Variants in IGSF21 observed in about 807,000 individuals in gnomAD.
IGSF21 encodes the protein immunoglobulin superfamily member 21.
A neutral mutation model predicts 46.8 loss-of-function variants in IGSF21; 28 were observed. The observed-to-expected ratio is 0.60, with a 90% CI of 0.44 to 0.82. The LOEUF (loss-of-function observed/expected upper bound fraction) is 0.82. Ranked by LOEUF, IGSF21 falls within the 40% of genes least tolerant of loss-of-function variation. The pLI is 0.00. For synonymous variants in IGSF21, 284 were observed against 273.6 expected, an observed-to-expected ratio of 1.04 and a Z score of -0.38; for missense variants, 624 against 665.5, an observed-to-expected ratio of 0.94 and a Z score of 0.69.
intron 3 of IGSF21, among the ~76,000 whole-genome samples, chr1:18,311,319 C>A (rs759019336): frequency 1.3e-5 from 2 of 152,162 alleles, no homozygotes; most frequent in Non-Finnish European, 2.9e-5. Flanking sequence ...CAAACCCCTC[C>A]CCATCCATAA....
chr1:18,233,986 A>C (rs928597307), intron 2 of IGSF21, among the ~76,000 whole-genome samples: 1 of 152,134 alleles, frequency 6.6e-6, no homozygotes, highest in African/African-American at 2.4e-5. Context: ...GATCCTAAGG[A>C]GACAGGAAAC....
chr1:18,354,847 C>T (rs1230673461), intron 4 of IGSF21, among the ~76,000 whole-genome samples: 2 of 79,914 alleles, frequency 2.5e-5, no homozygotes, highest in East Asian at 3.2e-4. Flanking sequence ...TTAAAGCTTT[C>T]CTGTTTGCTC....
At chr1:18,207,891 C>G (rs896302226) in intron 1 of IGSF21, among the ~76,000 whole-genome samples, 8 of 152,068 alleles carry the variant, frequency 5.3e-5, no homozygotes, top group South Asian at 2.1e-4. Flanking sequence ...AGTTTTCATA[C>G]CAGTAAATAG....
In IGSF21 at chr1:18,154,202, G is replaced by T. The variant is rs538196428; in HGVS notation, c.70+46004G>T. ...CTGGGCTGATGCGCTCATTTGCTTCGCTGGCCTGATACTGTCTGCATTTGC... is the reference window on the plus strand; with the variant it reads ...CTGGGCTGATGCGCTCATTTGCTTCTCTGGCCTGATACTGTCTGCATTTGC... On this transcript the variant is annotated intron_variant, in intron 1 of 9. Transcript: ENST00000251296. Among the ~76,000 whole-genome samples the T allele has an allele frequency of 6.6e-5, 10 of 152,186 alleles. No individual in the cohort carries two copies. In the South Asian group the frequency reaches 2.1e-3, roughly 32 times the overall value.
chr1:18,254,314 T>G (rs141807408), intron 2 of IGSF21, among the ~76,000 whole-genome samples: 1 of 152,250 alleles, frequency 6.6e-6, no homozygotes, highest in African/African-American at 2.4e-5. Context: ...TTTTGAGCCA[T>G]TCACTGGATC....
chr1:18,277,612 A>G (rs963955705), intron 2 of IGSF21, among the ~76,000 whole-genome samples: 4 of 152,226 alleles, frequency 2.6e-5, no homozygotes, highest in Non-Finnish European at 4.4e-5. Context: ...GCAGAGCCCA[A>G]CTGGAAACTG....
At chr1:18,316,417 G>A (rs763137351) in intron 3 of IGSF21, among the ~76,000 whole-genome samples, 4 of 152,182 alleles carry the variant, frequency 2.6e-5, no homozygotes, top group African/African-American at 7.2e-5. Context: ...CTTGCTTGTG[G>A]ACTCAGAGGG....
chr1:18,320,071 CT>C (rs781333115), intron 3 of IGSF21, among the ~76,000 whole-genome samples: 1 of 152,210 alleles, frequency 6.6e-6, no homozygotes, highest in African/African-American at 2.4e-5. Flanking sequence ...GAGCTGGGTA[CT>C]GTGCTCAGTG....
intron 2 of IGSF21, among the ~76,000 whole-genome samples, chr1:18,268,023 T>C (rs975278578): frequency 6.6e-6 from 1 of 152,224 alleles, no homozygotes; most frequent in Non-Finnish European, 1.5e-5. Flanking sequence ...GACAGGGATC[T>C]TCGTCTGTTT....
At chr1:18,255,350 C>T (rs917060843) in intron 2 of IGSF21, among the ~76,000 whole-genome samples, 4 of 152,104 alleles carry the variant, frequency 2.6e-5, no homozygotes, top group African/African-American at 9.7e-5. Flanking sequence ...TTTGTCAAGC[C>T]CAATATTGCC....
intron 3 of IGSF21, among the ~76,000 whole-genome samples, chr1:18,298,038 G>A (rs963066498): frequency 1.2e-4 from 19 of 152,178 alleles, no homozygotes; most frequent in African/African-American, 4.3e-4. Flanking sequence ...CAAGGTTGGG[G>A]CTTGGGAGGG....
At chr1:18,171,802 G>A (rs771295749) in intron 1 of IGSF21, among the ~76,000 whole-genome samples, 39 of 152,260 alleles carry the variant, frequency 2.6e-4, no homozygotes, top group African/African-American at 8.2e-4. Context: ...TGGACTTCAC[G>A]GGGGTGGCAC....
chr1:18,271,657 G>A (rs188517795), intron 2 of IGSF21, among the ~76,000 whole-genome samples: 4 of 152,180 alleles, frequency 2.6e-5, no homozygotes, highest in South Asian at 2.1e-4. Context: ...AAGATCAACC[G>A]GGAGCATCAG....
At chr1:18,374,636 C>T (rs943751394) in intron 6 of IGSF21, among the ~76,000 whole-genome samples, 3 of 152,156 alleles carry the variant, frequency 2.0e-5, no homozygotes, top group Non-Finnish European at 4.4e-5. Context: ...TTCCCTAGAC[C>T]CATGTGGCAT....
At chr1:18,356,513 A>G (rs2086020405) in intron 4 of IGSF21, among the ~76,000 whole-genome samples, 1 of 152,080 alleles carries the variant, frequency 6.6e-6, no homozygotes, top group Admixed American at 6.5e-5. Context: ...CTCACCTTAC[A>G]CTGCTCATTC....
intron 1 of IGSF21, chr1:18,179,398 G>A (rs1366137860): frequency 6.6e-6 from 1 of 152,176 alleles, no homozygotes; most frequent in Non-Finnish European, 1.5e-5. Context: ...TGACTTTCAT[G>A]GGTCCAGCAC....
At chr1:18,313,970 T>C (rs2085515694) in intron 3 of IGSF21, among the ~76,000 whole-genome samples, 1 of 152,224 alleles carries the variant, frequency 6.6e-6, no homozygotes, top group Non-Finnish European at 1.5e-5. Context: ...AATTTGGCTC[T>C]GATCAAATTA....
intron 1 of IGSF21, among the ~76,000 whole-genome samples, chr1:18,117,376 C>A (rs1256515662): frequency 6.6e-6 from 1 of 152,142 alleles, no homozygotes; most frequent in Non-Finnish European, 1.5e-5. Flanking sequence ...AGGAGGAGCG[C>A]GGTCCTGGGG....
chr1:18,376,761 C>T (rs770664656), intron 7 of IGSF21, 39 bp from the exon 8 acceptor site: 36 of 1,540,484 alleles, frequency 2.3e-5, no homozygotes, highest in Non-Finnish European at 3.1e-5. Flanking sequence ...GCAGAATGGG[C>T]CCTCCTGTGA....
Sources: gnomAD v4.1 joint callset for allele counts (sites outside exome capture counted in the v4.1 genomes callset) on GRCh38, gnomAD v4.1.1 for gene constraint, MANE v1.5 for transcripts, NCBI Gene and HGNC (gene_info 2026-07-23, HGNC 2026-07-21) for gene names.